The following SORCS2 variants were observed in gnomAD, a reference collection of about 807,000 sequenced individuals.
SORCS2 encodes VPS10 domain-containing receptor SorCS2.
Under a neutral mutation model 141.6 loss-of-function variants are expected in SORCS2, and 100 were observed. That is an observed-to-expected ratio of 0.71 (90% CI 0.60 to 0.83). The LOEUF is 0.83. Among genes scored for constraint, SORCS2 ranks in the 40% least tolerant of loss-of-function variants. The pLI, the probability that SORCS2 is intolerant of heterozygous loss-of-function variation, is 0.00. For missense variants in SORCS2, 1,646 were observed against 1,560.2 expected, an observed-to-expected ratio of 1.05 and a Z score of -0.93; for synonymous variants, 789 against 676.9, an observed-to-expected ratio of 1.17 and a Z score of -2.57.
At chr4:7,225,432 G>A (rs1213711375) in intron 1 of SORCS2, among the ~76,000 whole-genome samples, 1 of 152,238 alleles carries the variant, frequency 6.6e-6, no homozygotes, top group African/African-American at 2.4e-5. Context: ...GAAATCCGAA[G>A]CATGACAGAA....
chr4:7,630,315 C>T (rs1719803945), intron 3 of SORCS2, among the ~76,000 whole-genome samples: 1 of 152,318 alleles, frequency 6.6e-6, no homozygotes, highest in Non-Finnish European at 1.5e-5. Flanking sequence ...AGGAACGAAC[C>T]TGCAGACCAC....
chr4:7,225,101 C>T (rs1728921120), intron 1 of SORCS2, among the ~76,000 whole-genome samples: 1 of 152,234 alleles, frequency 6.6e-6, no homozygotes, highest in South Asian at 2.1e-4. Context: ...ATTGCCTCCT[C>T]CATGTAGACT....
intron 8 of SORCS2, among the ~76,000 whole-genome samples, chr4:7,671,586 A>T (rs1722801425): frequency 6.6e-6 from 1 of 152,218 alleles, no homozygotes; most frequent in Non-Finnish European, 1.5e-5. Context: ...TACTAGAGGG[A>T]TTCGAAAGCA....
intron 3 of SORCS2, among the ~76,000 whole-genome samples, chr4:7,577,083 G>A (rs1715802216): frequency 6.6e-6 from 1 of 152,212 alleles, no homozygotes; most frequent in African/African-American, 2.4e-5. Flanking sequence ...AGTCCTGTCA[G>A]AGTTGAGTTC....
In SORCS2 at chr4:7,447,689, A is replaced by C. The variant is rs542288009; in HGVS notation, c.548+51334A>C. Among the ~76,000 whole-genome samples, 6 of 152,262 alleles carry C rather than the reference A, an allele frequency of 3.9e-5. No individual in the cohort carries two copies. The South Asian group carries it at 1.2e-3, about 32-fold the overall frequency. On this transcript the variant is annotated intron_variant, in intron 2 of 26. Transcript: ENST00000507866. ...CGGGGGTCCTCCAGGCTCAGCAGCC[A>C]TGGGGACAGGCTCGGGGCAGGACCC...
chr4:7,402,166 CT>C (rs1724635417), intron 2 of SORCS2, among the ~76,000 whole-genome samples: 1 of 152,158 alleles, frequency 6.6e-6, no homozygotes, highest in African/African-American at 2.4e-5. Context: ...TGTAATCTAG[CT>C]GTCATCAATG....
intron 3 of SORCS2, among the ~76,000 whole-genome samples, chr4:7,608,294 G>A (rs570539348): frequency 6.6e-6 from 1 of 152,284 alleles, no homozygotes; most frequent in South Asian, 2.1e-4. Context: ...AGAGAAGGCT[G>A]CCGGATTGCA....
intron 14 of SORCS2, among the ~76,000 whole-genome samples, chr4:7,710,764 C>T (rs1170750673): frequency 1.3e-5 from 2 of 152,222 alleles, no homozygotes; most frequent in Non-Finnish European, 2.9e-5. Context: ...ACAGTGTCTG[C>T]AGAAGCGGAC....
intron 6 of SORCS2, 27 bp downstream of exon 6, chr4:7,661,591 G>A (rs1560464620): frequency 6.5e-7 from 1 of 1,550,214 alleles, no homozygotes; most frequent in South Asian, 1.2e-5. Flanking sequence ...ACAGGCACCG[G>A]GTATCCCTGA....
intron 2 of SORCS2, among the ~76,000 whole-genome samples, chr4:7,426,388 C>T (rs1726440835): frequency 6.6e-6 from 1 of 150,978 alleles, no homozygotes; most frequent in African/African-American, 2.4e-5. Context: ...ACACACTGCC[C>T]CGCTGAGGGT....
chr4:7,360,203 A>T (rs1378807434), intron 1 of SORCS2, among the ~76,000 whole-genome samples: 2 of 152,206 alleles, frequency 1.3e-5, no homozygotes, highest in Admixed American at 6.5e-5. Context: ...TTCTTTCTGC[A>T]TTCACTTATA....
chr4:7,633,813 C>T lies in SORCS2; in HGVS notation c.649-4515C>T, dbSNP rs141495027. Among the ~76,000 whole-genome samples, 130 of 59,746 alleles carry T rather than the reference C, an allele frequency of 2.2e-3. 53 individuals carry two copies. In the East Asian group the frequency reaches 0.26, roughly 119 times the overall value. The allele number at this position is 59,746 out of a possible 152,430, so 39.2% of individuals were successfully genotyped here. A position where few individuals can be genotyped will look rare whatever the true frequency, so the allele number is the denominator to read the frequency against. On this transcript the variant is annotated intron_variant, in intron 3 of 26. Coordinates refer to ENST00000507866, the MANE Select transcript of SORCS2 (RefSeq NM_020777.3). Reference sequence around the variant, plus strand: ...TCATGTGTCCGTCAGGCGGGATTAACGGCCAGCTCCGTGTCCTGTTTTGCT... The same window carrying T: ...TCATGTGTCCGTCAGGCGGGATTAATGGCCAGCTCCGTGTCCTGTTTTGCT...
At chr4:7,528,133 A>G (rs1733817261) in intron 2 of SORCS2, among the ~76,000 whole-genome samples, 1 of 150,464 alleles carries the variant, frequency 6.6e-6, no homozygotes, top group Non-Finnish European at 1.5e-5. Flanking sequence ...CATGGATTCC[A>G]GCCTCAGTGT....
intron 1 of SORCS2, among the ~76,000 whole-genome samples, chr4:7,320,340 A>C (rs1378331399): frequency 6.6e-6 from 1 of 152,226 alleles, no homozygotes; most frequent in Non-Finnish European, 1.5e-5. Flanking sequence ...TGTGCCTTCT[A>C]CCATCCAGAG....
In SORCS2 at chr4:7,740,971, G is replaced by T; in HGVS notation, c.*707G>T. On this transcript the variant is annotated 3_prime_UTR_variant, in exon 27 of 27. Transcript: ENST00000507866. ...CCAGGGTGTCTCCTCTGCCCAGAGG[G>T]GCAGCAGCTCTCCCTGGTTCTCCCC... 2.5e-6 allele frequency: 1 copy of T among 398,314 alleles called. No homozygotes were observed. The highest frequency in any genetic ancestry group is 1.3e-4 in the South Asian group (1 of 7,414). 24.7% of individuals were successfully genotyped at this position (398,314 alleles called of 1,614,324 possible).
intron 3 of SORCS2, among the ~76,000 whole-genome samples, chr4:7,548,809 A>G (rs559540417): frequency 1.3e-5 from 2 of 152,288 alleles, no homozygotes; most frequent in Admixed American, 1.3e-4. Flanking sequence ...TTCACCAGAC[A>G]AGCAAAGAGC....
At chr4:7,359,082 G>A (rs556678959) in intron 1 of SORCS2, among the ~76,000 whole-genome samples, 120 of 152,360 alleles carry the variant, frequency 7.9e-4, no homozygotes, top group Admixed American at 1.6e-3. Context: ...GATCATCTGA[G>A]GTTAGGAGTT....
chr4:7,199,506 C>A (rs1727369030), intron 1 of SORCS2, among the ~76,000 whole-genome samples: 3 of 152,088 alleles, frequency 2.0e-5, no homozygotes, highest in Admixed American at 6.5e-5. Flanking sequence ...ATTGCCTGTG[C>A]TGTGAAGCAG....
intron 3 of SORCS2, among the ~76,000 whole-genome samples, chr4:7,621,782 G>A (rs777338971): frequency 5.9e-5 from 9 of 152,202 alleles, no homozygotes; most frequent in African/African-American, 1.7e-4. Context: ...TCACCAGCTC[G>A]GCTCTGTCTG....
Sources: allele counts gnomAD v4.1 joint callset (sites outside exome capture counted in the v4.1 genomes callset), GRCh38; gene constraint gnomAD v4.1.1; transcripts MANE v1.5; gene names NCBI Gene and HGNC (gene_info 2026-07-23, HGNC 2026-07-21).